Variants in SLC6A17 observed in about 807,000 individuals in gnomAD.
SLC6A17 encodes the protein solute carrier family 6 member 17.
In SLC6A17, 21 loss-of-function variants were observed where a neutral mutation model predicts 64.5. That is an observed-to-expected ratio of 0.33 (90% CI 0.23 to 0.47). The LOEUF is 0.47. Ranked by LOEUF, SLC6A17 falls within the 20% of genes least tolerant of loss-of-function variation. The pLI is 1.00. For synonymous variants in SLC6A17, 372 were observed against 399.5 expected, an observed-to-expected ratio of 0.93 and a Z score of 0.82; for missense variants, 682 against 963.2, an observed-to-expected ratio of 0.71 and a Z score of 3.86.
chr1:110,189,642 A>C (rs1377956368), intron 6 of SLC6A17, among the ~76,000 whole-genome samples: 1 of 151,878 alleles, frequency 6.6e-6, no homozygotes, highest in African/African-American at 2.4e-5. Context: ...CAGGCCTTTG[A>C]TCTAACTTCT....
Position 110,174,888 on chromosome 1 carries a change from G to A in SLC6A17, c.681G>A (p.Met227Ile), listed in dbSNP as rs1351595900. The A allele has an allele frequency of 6.2e-7, 1 of 1,614,224 alleles. No individual in the cohort carries two copies. The highest frequency in any genetic ancestry group is 1.1e-5 in the South Asian group (1 of 91,080). Residue 227 changes from methionine (M) to isoleucine (I), a missense_variant, in exon 5 of 12, where the codon ATG (methionine) becomes ATA (isoleucine). Met to Ile is a conservative substitution (Grantham distance 10, BLOSUM62 1). Transcript: ENST00000331565. ...AGAGTGGGGGCCTCAACTGGAAGAT[G>A]ACCCTGTGCCTCCTCGTGGCCTGGA... ...ISESGGLNWK[M>I]TLCLLVAWSI...
rs748425325 is a variant in SLC6A17 at position 110,198,472 on chromosome 1, C to G, written c.*28C>G. The stretch of plus-strand genomic sequence containing the variant: ...ACTGCCCAAGCCCTGCCCGCCTCTC[C>G]CCCCACGCTCAACCTGCCCACTTGT... On this transcript the variant is annotated 3_prime_UTR_variant, in exon 12 of 12. Coordinates refer to ENST00000331565, the MANE Select transcript of SLC6A17 (RefSeq NM_001010898.4). 1 of 1,578,880 alleles carries G rather than the reference C, an allele frequency of 6.3e-7. No homozygotes were observed. The highest frequency in any genetic ancestry group is 8.6e-7 in the Non-Finnish European group (1 of 1,161,030).
At chr1:110,151,074 C>T (rs1375220712) in intron 1 of SLC6A17, among the ~76,000 whole-genome samples, 191 bp downstream of exon 1, 1 of 152,214 alleles carries the variant, frequency 6.6e-6, no homozygotes, top group Non-Finnish European at 1.5e-5. Context: ...GCGACGGAGC[C>T]CCGGGGCCCG....
At chr1:110,180,963 C>T (rs910279887) in intron 6 of SLC6A17, among the ~76,000 whole-genome samples, 16 of 152,076 alleles carry the variant, frequency 1.1e-4, no homozygotes, top group African/African-American at 1.9e-4. Context: ...TTCAGGCTAT[C>T]GGACCTGGAC....
chr1:110,195,348 C>T (rs950344137), intron 9 of SLC6A17, among the ~76,000 whole-genome samples: 4 of 152,250 alleles, frequency 2.6e-5, no homozygotes, highest in Non-Finnish European at 4.4e-5. Context: ...TGTGCTGGGG[C>T]AGAGGCATGG....
At chr1:110,173,894 TGCTGGG>T in intron 3 of SLC6A17, 73 bp from the exon 4 acceptor site, 1 of 1,508,862 alleles carries the variant, frequency 6.6e-7, no homozygotes, top group South Asian at 1.4e-5. Context: ...GCTGCCGACG[TGCTGGG>T]CCTCGGGTGG....
intron 6 of SLC6A17, among the ~76,000 whole-genome samples, chr1:110,184,330 C>T (rs545995980): frequency 1.3e-5 from 2 of 152,260 alleles, no homozygotes; most frequent in African/African-American, 2.4e-5. Flanking sequence ...TGGTCTCGAT[C>T]TCCTGACCTT....
intron 2 of SLC6A17, among the ~76,000 whole-genome samples, chr1:110,171,688 G>T (rs1358935198): frequency 1.3e-5 from 2 of 152,042 alleles, no homozygotes; most frequent in East Asian, 1.9e-4. Context: ...GTCAGGAGGG[G>T]GTGTGAACAG....
At position 110,195,712 on chromosome 1, in the gene SLC6A17, A is replaced by G; in HGVS notation, c.1619A>G (p.Asn540Ser). The G allele has an allele frequency of 1.9e-6, 3 of 1,614,248 alleles. No individual in the cohort carries two copies. Among genetic ancestry groups the G allele is most frequent in the Non-Finnish European group, 2.5e-6 (3 of 1,180,038 alleles). Reference protein sequence around the residue: ...LPLTLIVILENIAVAWIYGTK... With the variant: ...LPLTLIVILESIAVAWIYGTK... ...CTCACTCTCATCGTCATCCTTGAGAACATCGCTGTGGCCTGGATTTATGGA... is the reference window on the plus strand; with the variant it reads ...CTCACTCTCATCGTCATCCTTGAGAGCATCGCTGTGGCCTGGATTTATGGA... The change falls in exon 10 of 12, where the codon AAC (asparagine) becomes AGC (serine). Residue 540 changes from asparagine (N) to serine (S), a missense_variant. Physicochemically the swap from Asn to Ser is conservative, Grantham distance 46. This residue lies in a region of SLC6A17 where 264 missense variants were observed against 339.5 expected (regional missense o/e 0.78). Transcript: ENST00000331565.
At position 110,192,309 on chromosome 1, in the gene SLC6A17, T is replaced by C; in HGVS notation, c.1106+96T>C. 6.6e-7 allele frequency: 1 copy of C among 1,523,492 alleles called. No homozygotes were observed. The highest frequency in any genetic ancestry group is 8.9e-7 in the Non-Finnish European group (1 of 1,126,612). The allele number at this position is 1,523,492 out of a possible 1,614,324, so 94.4% of individuals were successfully genotyped here. ...GCGCAGGTGTGCATGGGGAGAGAGG[T>C]CCCCTCCACTCAGACTGAGGAATGG... On this transcript the variant is annotated intron_variant, in intron 7 of 11. Transcript: ENST00000331565. The surrounding 1 kb of genome is among the most constrained non-coding windows in gnomAD (Gnocchi z 4.3).
Position 110,198,664 on chromosome 1 carries a change from A to C in SLC6A17, c.*220A>C. 1 of 716,072 alleles carries C rather than the reference A, an allele frequency of 1.4e-6. No homozygotes were observed. The highest frequency in any genetic ancestry group is 2.4e-5 in the South Asian group (1 of 41,112). The allele number at this position is 716,072 out of a possible 1,614,324, so 44.4% of individuals were successfully genotyped here. A position where few individuals can be genotyped will look rare whatever the true frequency, so the allele number is the denominator to read the frequency against. On this transcript the variant is annotated 3_prime_UTR_variant, in exon 12 of 12. Coordinates refer to ENST00000331565, the MANE Select transcript of SLC6A17 (RefSeq NM_001010898.4). ...GCTCTGTTTCCTAATTCAGGACCCC[A>C]CTCATCTAGCCCTCCAAGAGCCTCC...
chr1:110,154,314 A>C (rs980717355), intron 1 of SLC6A17, among the ~76,000 whole-genome samples: 1 of 152,236 alleles, frequency 6.6e-6, no homozygotes, highest in East Asian at 1.9e-4. Flanking sequence ...TTGGAACTCT[A>C]TCAGTCCAAA....
intron 2 of SLC6A17, among the ~76,000 whole-genome samples, chr1:110,167,669 T>C (rs1372782246): frequency 6.6e-6 from 1 of 152,220 alleles, no homozygotes; most frequent in East Asian, 1.9e-4. Flanking sequence ...TCTAAGGGCT[T>C]AATGGATATT....
chr1:110,158,410 C>T (rs1025895735), intron 1 of SLC6A17, among the ~76,000 whole-genome samples: 1 of 152,218 alleles, frequency 6.6e-6, no homozygotes, highest in Admixed American at 6.5e-5. Flanking sequence ...ACGTGCATGT[C>T]CCACCCAGCT....
At chr1:110,177,204 A>G (rs1233283010) in intron 6 of SLC6A17, among the ~76,000 whole-genome samples, 2 of 152,196 alleles carry the variant, frequency 1.3e-5, no homozygotes, top group African/African-American at 4.8e-5. Flanking sequence ...GCCTAAGAGA[A>G]GAAAGCTCCT....
rs560381316 is a variant in SLC6A17 at position 110,157,306 on chromosome 1, G to A, written c.-88+6423G>A. On this transcript the variant is annotated intron_variant, in intron 1 of 11. Coordinates refer to ENST00000331565, the MANE Select transcript of SLC6A17 (RefSeq NM_001010898.4). ...ACAGTCAGGTCAGGCCAGGTGTGGT[G>A]GCTGACACCTGTAATCCCAGCATTT... 3.9e-5 allele frequency among the ~76,000 whole-genome samples: 6 copies of A among 152,294 alleles called. No individual in the cohort carries two copies. The East Asian group carries it at 5.8e-4, about 15-fold the overall frequency.
chr1:110,174,604 C>T (rs774177838), intron 4 of SLC6A17, among the ~76,000 whole-genome samples, 175 bp from the exon 5 acceptor site: 69 of 152,162 alleles, frequency 4.5e-4, no homozygotes, highest in Non-Finnish European at 9.7e-4. Context: ...CAGTGGGAGC[C>T]TAGGATTCCT....
intron 1 of SLC6A17, among the ~76,000 whole-genome samples, chr1:110,164,522 G>A (rs1427368770): frequency 1.3e-5 from 2 of 152,236 alleles, no homozygotes; most frequent in Non-Finnish European, 2.9e-5. Flanking sequence ...AGTCATGACT[G>A]CAGCCCAGCC....
rs151008748 is a variant in SLC6A17 at position 110,200,966 on chromosome 1, G to C, written c.*2522G>C. ...GGTGCTTCGGGAGCCCCCTGCTACG[G>C]GGAAAGGCATGTGTTTCTTGCTGGT... On this transcript the variant is annotated 3_prime_UTR_variant, in exon 12 of 12. Coordinates refer to ENST00000331565, the MANE Select transcript of SLC6A17 (RefSeq NM_001010898.4). 0.02 allele frequency: 3,054 copies of C among 152,186 alleles called. 61 individuals carry two copies. Among genetic ancestry groups the C allele is most frequent in the Non-Finnish European group, 0.024 (1,638 of 68,016 alleles). The allele number at this position is 152,186 out of a possible 1,614,324, so 9.4% of individuals were successfully genotyped here.
Sources: gnomAD v4.1 joint callset for allele counts (sites outside exome capture counted in the v4.1 genomes callset) on GRCh38, gnomAD v4.1.1 for gene constraint, gnomAD v4.1.1 regional missense constraint, Gnocchi (gnomAD v3.1) non-coding constraint, MANE v1.5 for transcripts, NCBI Gene and HGNC (gene_info 2026-07-23, HGNC 2026-07-21) for gene names.